The following ASAH2 variants were observed in gnomAD, a reference collection of about 807,000 sequenced individuals.
ASAH2 encodes neutral ceramidase.
A neutral mutation model predicts 82.9 loss-of-function variants in ASAH2; 58 were observed. The observed-to-expected ratio is 0.70, with a 90% CI of 0.57 to 0.87. The LOEUF is 0.87. Ranked by LOEUF, ASAH2 falls within the 40% of genes least tolerant of loss-of-function variation. ASAH2 has a pLI of 0.00. For missense variants in ASAH2, 779 were observed against 834.0 expected, an observed-to-expected ratio of 0.93 and a Z score of 0.81; for synonymous variants, 276 against 289.7, an observed-to-expected ratio of 0.95 and a Z score of 0.48.
rs940316358 is a variant in ASAH2 at position 50,218,498 on chromosome 10, A to G, written c.1014+12T>C. The stretch of plus-strand genomic sequence containing the variant: ...GAATCAAGATGAAGCTTTCAATGAT[A>G]TAAATTCTCACCTGTCCAGGTAGAT... On this transcript the variant is annotated intron_variant, in intron 8 of 20. Transcript: ENST00000682911. The G allele has an allele frequency of 6.2e-7, 1 of 1,613,762 alleles. No individual in the cohort carries two copies. Among genetic ancestry groups the G allele is most frequent in the Middle Eastern group, 1.7e-4 (1 of 6,054 alleles).
chr10:50,193,849 GCAA>G (rs1167242073), intron 18 of ASAH2, among the ~76,000 whole-genome samples: 3 of 151,798 alleles, frequency 2.0e-5, no homozygotes, highest in South Asian at 2.1e-4. Flanking sequence ...ATTATCATGA[GCAA>G]CAACAACTTT....
rs1844772206 is a variant in ASAH2 at position 50,187,134 on chromosome 10, A to ACACACC, written c.*180_*181insGGTGTG. ...CTCTCTCTCTCACACACACACACAC[A>ACACACC]CACACACACACACACACACACACAC... On this transcript the variant is annotated 3_prime_UTR_variant, in exon 21 of 21. Transcript: ENST00000682911. 1 of 280,628 alleles carries ACACACC rather than the reference A, an allele frequency of 3.6e-6. No individual in the cohort carries two copies. The highest frequency in any genetic ancestry group is 2.5e-5 in the African/African-American group (1 of 40,032). The allele number at this position is 280,628 out of a possible 1,614,324, so 17.4% of individuals were successfully genotyped here. A position where few individuals can be genotyped will look rare whatever the true frequency, so the allele number is the denominator to read the frequency against.
chr10:50,185,513 C>A lies in ASAH2; in HGVS notation c.*1802G>T, dbSNP rs1844722957. 1.4e-5 allele frequency: 1 copy of A among 69,422 alleles called. No individual in the cohort carries two copies. The highest frequency in any genetic ancestry group is 3.5e-5 in the Non-Finnish European group (1 of 28,478). The allele number at this position is 69,422 out of a possible 1,614,324, so 4.3% of individuals were successfully genotyped here. ...AGGTAGTGGAAACTGATTCATGAAC[C>A]CTTCTGAGTAATAACAAATACTTTA... On this transcript the variant is annotated 3_prime_UTR_variant, in exon 21 of 21. Transcript: ENST00000682911.
chr10:50,196,283 G>T (rs1434490922), intron 18 of ASAH2, among the ~76,000 whole-genome samples: 2 of 151,894 alleles, frequency 1.3e-5, no homozygotes, highest in African/African-American at 4.8e-5. Context: ...AAGAAATATA[G>T]AAAGGAATAA....
In ASAH2 at chr10:50,223,870, A is replaced by G. The variant is rs1392048487; in HGVS notation, c.894-5240T>C. On this transcript the variant is annotated intron_variant, in intron 7 of 20. Coordinates refer to ENST00000682911, the MANE Select transcript of ASAH2 (RefSeq NM_019893.4). ...ATTGGAGGGATGTGTCTACAAGCCA[A>G]TGAAGCCAAGGATTGATGGCAACCA... Among the ~76,000 whole-genome samples, 6 of 152,314 alleles carry G rather than the reference A, an allele frequency of 3.9e-5. No individual in the cohort carries two copies. In the South Asian group the frequency reaches 6.2e-4, roughly 16 times the overall value.
chr10:50,225,646 C>T (rs1298066918), intron 7 of ASAH2, among the ~76,000 whole-genome samples: 2 of 152,034 alleles, frequency 1.3e-5, no homozygotes, highest in African/African-American at 4.8e-5. Flanking sequence ...ACATTCTGCT[C>T]AAGTTTGAGT....
chr10:50,249,864 G>A (rs1247399270), intron 1 of ASAH2, among the ~76,000 whole-genome samples: 1 of 152,156 alleles, frequency 6.6e-6, no homozygotes, highest in African/African-American at 2.4e-5. Flanking sequence ...AGCCTGAGAG[G>A]TGAAATGGTA....
intron 4 of ASAH2, among the ~76,000 whole-genome samples, chr10:50,237,140 G>C (rs1350056906): frequency 6.6e-6 from 1 of 152,268 alleles, no homozygotes; most frequent in African/African-American, 2.4e-5. Context: ...CTCAGGCATA[G>C]TGAGCAGAAA....
Position 50,234,442 on chromosome 10 carries a change from C to T in ASAH2, c.798G>A (p.Pro266=), listed in dbSNP as rs143842851. The change falls in exon 6 of 21, where the codon CCG becomes CCA. Residue 266 remains proline, a synonymous_variant. Coordinates refer to ENST00000682911, the MANE Select transcript of ASAH2 (RefSeq NM_019893.4). ...CTCCTCACCTTGCTCTCTCTGACTG[C>T]GGATTTTGAAGGTAAGAATACGGAC... ...NRSPYSYLQN[P]QSERARYSSN... 3.2e-5 allele frequency: 51 copies of T among 1,612,820 alleles called. No individual in the cohort carries two copies. Among genetic ancestry groups the T allele is most frequent in the South Asian group, 5.5e-5 (5 of 91,062 alleles).
At chr10:50,221,674 TGATAGATA>T in intron 7 of ASAH2, among the ~76,000 whole-genome samples, 1 of 140,652 alleles carries the variant, frequency 7.1e-6, no homozygotes, top group South Asian at 2.4e-4. Flanking sequence ...GATAGATAGA[TGATAGATA>T]GATAGATAGA....
At chr10:50,244,538 A>G (rs934563732) in intron 3 of ASAH2, among the ~76,000 whole-genome samples, 1 of 152,178 alleles carries the variant, frequency 6.6e-6, no homozygotes, top group Admixed American at 6.5e-5. Flanking sequence ...AGACAACTTC[A>G]TGCTCTGGTT....
chr10:50,226,907 ATTG>A (rs2133219508), intron 7 of ASAH2, among the ~76,000 whole-genome samples: 1 of 152,312 alleles, frequency 6.6e-6, no homozygotes, highest in South Asian at 2.1e-4. Flanking sequence ...AATAAGAGCA[ATTG>A]TTGTGTTGTT....
At chr10:50,203,583 T>C (rs2133201319) in intron 15 of ASAH2, 57 bp downstream of exon 15, 1 of 769,612 alleles carries the variant, frequency 1.3e-6, no homozygotes, top group South Asian at 1.4e-5. Context: ...GGATAGGATA[T>C]ACTTTCCTCT....
At position 50,185,177 on chromosome 10, in the gene ASAH2, A is replaced by T. The variant is rs1844712396; in HGVS notation, c.*2138T>A. 1 of 151,154 alleles carries T rather than the reference A, an allele frequency of 6.6e-6. No homozygotes were observed. Among genetic ancestry groups the T allele is most frequent in the African/African-American group, 2.4e-5 (1 of 40,916 alleles). The allele number at this position is 151,154 out of a possible 1,614,324, so 9.4% of individuals were successfully genotyped here. ...GTCCCTGCAGCATCCACAGACATGAATTGGATCTGTGTTTTTATATCAACA... is the reference window on the plus strand; with the variant it reads ...GTCCCTGCAGCATCCACAGACATGATTTGGATCTGTGTTTTTATATCAACA... On this transcript the variant is annotated 3_prime_UTR_variant, in exon 21 of 21. Transcript: ENST00000682911.
chr10:50,220,152 A>G (rs1845703814), intron 7 of ASAH2, among the ~76,000 whole-genome samples: 1 of 152,240 alleles, frequency 6.6e-6, no homozygotes, highest in Non-Finnish European at 1.5e-5. Context: ...AGACTTTTTG[A>G]TATAATCAGG....
At position 50,222,601 on chromosome 10, in the gene ASAH2, T is replaced by C. The variant is rs1399389431; in HGVS notation, c.894-3971A>G. Among the ~76,000 whole-genome samples the C allele has an allele frequency of 2.6e-5, 4 of 152,324 alleles. No individual in the cohort carries two copies. The East Asian group carries it at 7.7e-4, about 29-fold the overall frequency. On this transcript the variant is annotated intron_variant, in intron 7 of 20. Coordinates refer to ENST00000682911, the MANE Select transcript of ASAH2 (RefSeq NM_019893.4). The stretch of plus-strand genomic sequence containing the variant: ...GGCTTGATTTCTTCTTTATTCCATT[T>C]ATTTTAAGCCTCAGAAAATAAACTG...
intron 13 of ASAH2, 121 bp from the exon 14 acceptor site, chr10:50,205,076 T>C: frequency 1.6e-6 from 1 of 622,508 alleles, no homozygotes; most frequent in Non-Finnish European, 2.8e-6. Context: ...AAATATTCTA[T>C]ATGGGCATTT....
At chr10:50,212,520 A>G (rs1845482862) in intron 10 of ASAH2, among the ~76,000 whole-genome samples, 1 of 152,194 alleles carries the variant, frequency 6.6e-6, no homozygotes, top group Non-Finnish European at 1.5e-5. Context: ...CCAAGTTTCA[A>G]GAACTGGAGT....
chr10:50,205,772 A>G (rs1055264748), intron 13 of ASAH2, among the ~76,000 whole-genome samples: 16 of 152,072 alleles, frequency 1.1e-4, no homozygotes, highest in Admixed American at 2.6e-4. Flanking sequence ...TTTATTAATC[A>G]TAAGTGCAAT....
Sources: allele counts gnomAD v4.1 joint callset (sites outside exome capture counted in the v4.1 genomes callset), GRCh38; gene constraint gnomAD v4.1.1; transcripts MANE v1.5; gene names NCBI Gene and HGNC (gene_info 2026-07-23, HGNC 2026-07-21).